PRDM2: variants seen among roughly 807,000 people sequenced by gnomAD.
PRDM2 encodes PR/SET domain 2, also known as PR domain zinc finger protein 2.
A neutral mutation model predicts 130.0 loss-of-function variants in PRDM2; 30 were observed. The ratio of observed to expected loss-of-function variants is 0.23; its 90% CI spans 0.17 to 0.31. The LOEUF (loss-of-function observed/expected upper bound fraction) is 0.31, where lower values mean the gene tolerates loss of function less well. Among genes scored for constraint, PRDM2 ranks in the 10% least tolerant of loss-of-function variants. The probability of loss-of-function intolerance (pLI) is 1.00; values close to 1 mark genes in which losing one functional copy is unlikely to be tolerated. For missense variants in PRDM2, 2,011 were observed against 2,108.4 expected (o/e 0.95, Z 0.90); for synonymous variants, 871 against 782.4 (o/e 1.11, Z -1.89).
Position 13,806,924 on chromosome 1 carries a change from G to C in PRDM2, c.5037-9503G>C, listed in dbSNP as rs2697985. Among the ~76,000 whole-genome samples, 122,647 of 152,076 alleles carry C rather than the reference G, an allele frequency of 0.81. 49,584 individuals are homozygous for C. The highest frequency in any genetic ancestry group is 0.87 in the Middle Eastern group (256 of 294). ...CCCCACTTCCTGGAACGCACAAGGC[G>C]TAGTATCCGGACCGATTGATCCCCC... On this transcript the variant is annotated intron_variant, in intron 8 of 9. Coordinates refer to ENST00000311066, the MANE Select transcript of PRDM2 (RefSeq NM_001393986.1). The surrounding 1 kb of genome is among the most constrained non-coding windows in gnomAD (Gnocchi z 4.1).
At chr1:13,796,944 T>G (rs573537928) in intron 8 of PRDM2, among the ~76,000 whole-genome samples, 2 of 152,304 alleles carry the variant, frequency 1.3e-5, no homozygotes, top group South Asian at 4.1e-4. Context: ...AAACAAAAGT[T>G]TGGGTAAAAG....
chr1:13,823,276 T>A lies in PRDM2; in HGVS notation c.*141T>A. On this transcript the variant is annotated 3_prime_UTR_variant, in exon 10 of 10. Coordinates refer to ENST00000311066, the MANE Select transcript of PRDM2 (RefSeq NM_001393986.1). Reference sequence around the variant, plus strand: ...GAGAAAGGGAGTGCATGTGCGCGCGTGCATGTGTGCGTGCGTGTGTGTTCA... The same window carrying A: ...GAGAAAGGGAGTGCATGTGCGCGCGAGCATGTGTGCGTGCGTGTGTGTTCA... 2 of 1,393,266 alleles carry A rather than the reference T, an allele frequency of 1.4e-6. No individual in the cohort carries two copies. The highest frequency in any genetic ancestry group is 2.0e-6 in the Non-Finnish European group (2 of 989,150). The allele number at this position is 1,393,266 out of a possible 1,614,324, so 86.3% of individuals were successfully genotyped here.
rs377242007 is a variant in PRDM2 at position 13,780,525 on chromosome 1, C to G, written c.2730C>G (p.Thr910=). The G allele has an allele frequency of 1.2e-5, 20 of 1,614,034 alleles. No homozygotes were observed. The highest frequency in any genetic ancestry group is 1.6e-5 in the Non-Finnish European group (19 of 1,180,028). ...CTGTAGAAAACCCTGCAGATGGGACCAGGAGCCCAAGTCCTTGTAAATCCC... is the reference window on the plus strand; with the variant it reads ...CTGTAGAAAACCCTGCAGATGGGACGAGGAGCCCAAGTCCTTGTAAATCCC... The part of the protein sequence containing the change: ...DLPVENPADG[T]RSPSPCKSLE... Residue 910 remains threonine (T), a synonymous_variant, in exon 8 of 10, where the codon ACC becomes ACG. Coordinates refer to ENST00000311066, the MANE Select transcript of PRDM2 (RefSeq NM_001393986.1).
chr1:13,780,233 C>T lies in PRDM2; in HGVS notation c.2438C>T (p.Ser813Phe). The change falls in exon 8 of 10, where the codon TCT (serine) becomes TTT (phenylalanine). Residue 813 changes from serine to phenylalanine, a missense_variant. By Grantham distance (155) the Ser-to-Phe change is radical (BLOSUM62 -2). Coordinates refer to ENST00000311066, the MANE Select transcript of PRDM2 (RefSeq NM_001393986.1). ...ATGTCTAAAGAGTGGACAGCTAGTTCTGCTTTTAGCAGTGTGTGCAACCAG... is the reference window on the plus strand; with the variant it reads ...ATGTCTAAAGAGTGGACAGCTAGTTTTGCTTTTAGCAGTGTGTGCAACCAG... ...YKMSKEWTAS[S>F]AFSSVCNQQP... is the part of the protein sequence containing the mutation. 6.2e-7 allele frequency: 1 copy of T among 1,610,766 alleles called. No individual in the cohort carries two copies. The highest frequency in any genetic ancestry group is 8.5e-7 in the Non-Finnish European group (1 of 1,178,118).
chr1:13,813,660 G>A (rs1645210684), intron 8 of PRDM2, among the ~76,000 whole-genome samples: 1 of 152,216 alleles, frequency 6.6e-6, no homozygotes, highest in African/African-American at 2.4e-5. Context: ...GAGTCATGGA[G>A]GCCATGTTCA....
intron 8 of PRDM2, chr1:13,786,430 G>C: frequency 6.5e-7 from 1 of 1,532,824 alleles, no homozygotes; most frequent in South Asian, 1.1e-5. Flanking sequence ...TTTGTCTTAC[G>C]GTCTATTCAC....
chr1:13,807,747 T>C (rs920903807), intron 8 of PRDM2, among the ~76,000 whole-genome samples: 2 of 152,206 alleles, frequency 1.3e-5, no homozygotes, highest in African/African-American at 4.8e-5. Flanking sequence ...GTTCTATTTC[T>C]AGACATGTTC....
At position 13,750,776 on chromosome 1, in the gene PRDM2, GT is replaced by G. The variant is rs560324358; in HGVS notation, c.511+1303del. On this transcript the variant is annotated intron_variant, in intron 6 of 9. Transcript: ENST00000311066. Reference sequence around the variant, plus strand: ...ACGATCAGAGTCTAGAAAATTCCCAGTTTTTTTTTTTTTTAACTTTTAACTG... The same window carrying G: ...ACGATCAGAGTCTAGAAAATTCCCAGTTTTTTTTTTTTTAACTTTTAACTG... Among the ~76,000 whole-genome samples, 1,383 of 142,600 alleles carry G rather than the reference GT, an allele frequency of 9.7e-3. 9 individuals carry two copies. The highest frequency in any genetic ancestry group is 0.037 in the South Asian group (169 of 4,526). The allele number at this position is 142,600 out of a possible 152,430, so 93.6% of individuals were successfully genotyped here.
intron 5 of PRDM2, 68 bp downstream of exon 5, chr1:13,742,225 C>T (rs538875226): frequency 2.0e-5 from 30 of 1,508,326 alleles, no homozygotes; most frequent in Middle Eastern, 1.9e-4. Context: ...TTTTTTGAGA[C>T]GGTCTCATTC....
intron 1 of PRDM2, among the ~76,000 whole-genome samples, chr1:13,715,260 T>C (rs1165860273): frequency 6.6e-6 from 1 of 152,260 alleles, no homozygotes; most frequent in African/African-American, 2.4e-5. Context: ...TTATTTCTTC[T>C]TAGGAATGAT....
In PRDM2 at chr1:13,779,461, A is replaced by G. The variant is rs1385685612; in HGVS notation, c.1666A>G (p.Met556Val). ...AGGGGAAGCAGATGATGTGTACATC[A>G]TGGACATTTCTAGCAATATCTCTGA... ...EEGEADDVYIMDISSNISENL... is the reference protein window; with the variant it reads ...EEGEADDVYIVDISSNISENL... Residue 556 changes from methionine (M) to valine (V), a missense_variant, in exon 8 of 10, where the codon ATG (methionine) becomes GTG (valine). Met to Val is a conservative substitution (Grantham distance 21, BLOSUM62 1). Transcript: ENST00000311066. This position sits in a 1 kb window ranked among gnomAD's most constrained non-coding sequence, Gnocchi z 4.9. 2 of 1,614,076 alleles carry G rather than the reference A, an allele frequency of 1.2e-6. No homozygotes were observed. The highest frequency in any genetic ancestry group is 1.3e-5 in the African/African-American group (1 of 74,934).
At chr1:13,786,416 A>C in intron 8 of PRDM2, 1 of 1,497,406 alleles carries the variant, frequency 6.7e-7, no homozygotes, top group Admixed American at 1.8e-5. Flanking sequence ...TCGTCTTAAT[A>C]ACATTTGTCT....
intron 9 of PRDM2, among the ~76,000 whole-genome samples, chr1:13,818,383 T>C (rs1645291415): frequency 5.1e-5 from 1 of 19,688 alleles, no homozygotes; most frequent in South Asian, 1.7e-3. Context: ...TCTTTCCTTT[T>C]TTTTTTTTTT....
chr1:13,820,593 TG>T (rs1308867281), intron 9 of PRDM2, among the ~76,000 whole-genome samples: 1 of 152,224 alleles, frequency 6.6e-6, no homozygotes, highest in East Asian at 1.9e-4. Context: ...GCTGCTCCTT[TG>T]GCTAAGACCA....
chr1:13,716,382 A>G (rs1569707382), intron 2 of PRDM2, among the ~76,000 whole-genome samples: 1 of 151,916 alleles, frequency 6.6e-6, no homozygotes, highest in Non-Finnish European at 1.5e-5. Flanking sequence ...GCACACCAGC[A>G]TGGCACATGT....
intron 6 of PRDM2, among the ~76,000 whole-genome samples, chr1:13,767,740 C>T (rs1477074215): frequency 6.6e-6 from 1 of 152,054 alleles, no homozygotes; most frequent in East Asian, 1.9e-4. Context: ...TTTTGAGAGG[C>T]CAAGGCAAGA....
At chr1:13,787,870 C>G in intron 8 of PRDM2, 8 of 983,588 alleles carry the variant, frequency 8.1e-6, no homozygotes, top group Non-Finnish European at 9.7e-6. Flanking sequence ...TTGATTTTAA[C>G]CAATGTAGCA....
intron 1 of PRDM2, among the ~76,000 whole-genome samples, chr1:13,713,853 T>C (rs1316944174): frequency 6.6e-6 from 1 of 151,976 alleles, no homozygotes; most frequent in Non-Finnish European, 1.5e-5. Flanking sequence ...ACCTCATCAC[T>C]GTTTAATACC....
At chr1:13,808,828 G>A (rs547988430) in intron 8 of PRDM2, among the ~76,000 whole-genome samples, 5 of 152,284 alleles carry the variant, frequency 3.3e-5, no homozygotes, top group African/African-American at 9.6e-5. Context: ...TCAGACAGTC[G>A]CAGATGCATG....
Sources: allele counts gnomAD v4.1 joint callset (sites outside exome capture counted in the v4.1 genomes callset), GRCh38; gene constraint gnomAD v4.1.1; non-coding constraint Gnocchi (gnomAD v3.1); transcripts MANE v1.5; gene names NCBI Gene and HGNC (gene_info 2026-07-23, HGNC 2026-07-21).